Variants in ASTN1 observed in about 807,000 individuals in gnomAD.
The protein encoded by ASTN1 is astrotactin 1.
A neutral mutation model predicts 140.7 loss-of-function variants in ASTN1; 41 were observed. The observed-to-expected ratio is 0.29, with a 90% CI of 0.23 to 0.38. The LOEUF (loss-of-function observed/expected upper bound fraction) is 0.38, where lower values mean the gene tolerates loss of function less well. Among genes scored for constraint, ASTN1 ranks in the 10% least tolerant of loss-of-function variants. The pLI is 1.00. For missense variants in ASTN1, 1,479 were observed against 1,678.8 expected, an observed-to-expected ratio of 0.88 and a Z score of 2.08; for synonymous variants, 640 against 652.2, an observed-to-expected ratio of 0.98 and a Z score of 0.29.
At chr1:177,083,041 T>C (rs1275186345) in intron 1 of ASTN1, among the ~76,000 whole-genome samples, 2 of 152,214 alleles carry the variant, frequency 1.3e-5, no homozygotes, top group African/African-American at 4.8e-5. Flanking sequence ...TTTTGTATAC[T>C]GTCAGTTTCT....
intron 8 of ASTN1, among the ~76,000 whole-genome samples, chr1:177,006,834 G>A (rs973298998): frequency 1.4e-4 from 22 of 152,246 alleles, no homozygotes; most frequent in African/African-American, 5.1e-4. Context: ...CATCACCACG[G>A]GGAGGAGGTG....
At chr1:177,154,305 T>C (rs1337308474) in intron 1 of ASTN1, among the ~76,000 whole-genome samples, 1 of 152,162 alleles carries the variant, frequency 6.6e-6, no homozygotes, top group Non-Finnish European at 1.5e-5. Context: ...AGTGGGCATG[T>C]TTTATATATT....
intron 8 of ASTN1, among the ~76,000 whole-genome samples, chr1:176,977,152 C>T (rs1484484189): frequency 6.6e-6 from 1 of 152,114 alleles, no homozygotes; most frequent in Non-Finnish European, 1.5e-5. Flanking sequence ...ATAAGGAAAC[C>T]GGGGAAGAAT....
intron 5 of ASTN1, 33 bp downstream of exon 5, chr1:177,029,601 T>C (rs766495338): frequency 1.9e-6 from 3 of 1,602,902 alleles, no homozygotes; most frequent in Admixed American, 1.7e-5. Context: ...TCCCAGATCC[T>C]TTACCACCTT....
At chr1:177,014,329 C>T (rs948842440) in intron 8 of ASTN1, among the ~76,000 whole-genome samples, 1 of 152,222 alleles carries the variant, frequency 6.6e-6, no homozygotes, top group African/African-American at 2.4e-5. Context: ...TTATTCAATA[C>T]AGAGTACTTC....
intron 1 of ASTN1, among the ~76,000 whole-genome samples, chr1:177,144,411 C>A (rs1682623069): frequency 6.6e-6 from 1 of 151,062 alleles, no homozygotes; most frequent in Admixed American, 6.6e-5. Flanking sequence ...AGCCACCGCG[C>A]CCGGCTAGTT....
Position 176,887,594 on chromosome 1 carries a change from T to A in ASTN1, c.3074+477A>T, listed in dbSNP as rs536787029. Among the ~76,000 whole-genome samples the A allele has an allele frequency of 7.0e-4, 107 of 152,344 alleles. No homozygotes were observed. In the Middle Eastern group the frequency reaches 0.01, roughly 15 times the overall value. On this transcript the variant is annotated intron_variant, in intron 18 of 22. Coordinates refer to ENST00000361833, the MANE Select transcript of ASTN1 (RefSeq NM_004319.3). ...CATTCAATCCATTTGAATGCATTTT[T>A]TTTTGTCTATTAAATGAGCAGTATC...
chr1:176,878,448 C>G (rs1166664403), intron 20 of ASTN1, among the ~76,000 whole-genome samples: 2 of 151,826 alleles, frequency 1.3e-5, no homozygotes, highest in Non-Finnish European at 2.9e-5. Flanking sequence ...GAGGGGAGCC[C>G]CTACAGCTTC....
intron 11 of ASTN1, among the ~76,000 whole-genome samples, chr1:176,955,343 G>T (rs73047988): frequency 0.034 from 5,200 of 152,174 alleles, 282 homozygotes; most frequent in African/African-American, 0.12. Flanking sequence ...GATGGGTCAG[G>T]CTCAAGGTCA....
chr1:176,878,631 A>T (rs1004589141), intron 20 of ASTN1, among the ~76,000 whole-genome samples: 17 of 151,928 alleles, frequency 1.1e-4, no homozygotes, highest in Non-Finnish European at 4.4e-5. Context: ...CCCCGTGTAG[A>T]ACTAGCTCTG....
chr1:177,051,779 T>A (rs6425404), intron 2 of ASTN1, among the ~76,000 whole-genome samples: 12,114 of 152,158 alleles, frequency 0.08, 1,010 homozygotes, highest in African/African-American at 0.21. Flanking sequence ...AGTTCTTACA[T>A]CAGTGCTGGC....
chr1:177,161,653 G>C (rs769142168), intron 1 of ASTN1, among the ~76,000 whole-genome samples: 3 of 152,216 alleles, frequency 2.0e-5, no homozygotes, highest in Non-Finnish European at 4.4e-5. Context: ...GGAGAAGTTG[G>C]CTGCAATCAG....
In ASTN1 at chr1:176,861,150, G is replaced by C; in HGVS notation, c.*3134C>G. On this transcript the variant is annotated 3_prime_UTR_variant, in exon 23 of 23. Transcript: ENST00000361833. ...CAATAATTCTCTTTTAAACAACACT[G>C]TTATACCTGAAGATGGTCATATTAT... 2 of 951,042 alleles carry C rather than the reference G, an allele frequency of 2.1e-6. No individual in the cohort carries two copies. Among genetic ancestry groups the C allele is most frequent in the Non-Finnish European group, 2.5e-6 (2 of 798,690 alleles). 58.9% of individuals were successfully genotyped at this position (951,042 alleles called of 1,614,324 possible). A position where few individuals can be genotyped will look rare whatever the true frequency, so the allele number is the denominator to read the frequency against.
chr1:176,895,609 C>T (rs566486956), intron 16 of ASTN1, among the ~76,000 whole-genome samples: 22 of 152,184 alleles, frequency 1.4e-4, no homozygotes, highest in Non-Finnish European at 2.8e-4. Flanking sequence ...CACTCCAAAA[C>T]TTGAGAGATG....
intron 1 of ASTN1, among the ~76,000 whole-genome samples, chr1:177,135,957 TA>T (rs1682176021): frequency 6.6e-6 from 1 of 152,180 alleles, no homozygotes; most frequent in Non-Finnish European, 1.5e-5. Flanking sequence ...ATCACAGGTT[TA>T]TAGAGAAGCA....
intron 16 of ASTN1, among the ~76,000 whole-genome samples, chr1:176,916,000 C>A (rs529156041): frequency 6.6e-6 from 1 of 152,192 alleles, no homozygotes; most frequent in South Asian, 2.1e-4. Context: ...CAGTCTTTCA[C>A]CCATGTCCCT....
At chr1:177,043,957 C>G (rs919476311) in intron 2 of ASTN1, among the ~76,000 whole-genome samples, 1 of 151,968 alleles carries the variant, frequency 6.6e-6, no homozygotes, top group Admixed American at 6.6e-5. Flanking sequence ...ATTTTTTTCT[C>G]TGGAACTAAT....
chr1:176,922,556 C>CG (rs1670777826), intron 16 of ASTN1, among the ~76,000 whole-genome samples: 2 of 77,614 alleles, frequency 2.6e-5, no homozygotes, highest in Non-Finnish European at 4.8e-5. Flanking sequence ...GCCCCCACTG[C>CG]AAAAAAAAAA....
At chr1:177,042,808 T>C (rs551860885) in intron 2 of ASTN1, among the ~76,000 whole-genome samples, 7 of 152,326 alleles carry the variant, frequency 4.6e-5, no homozygotes, top group Admixed American at 1.3e-4. Flanking sequence ...CCCACCACTG[T>C]GGTCTGGGCT....
Sources: gnomAD v4.1 joint callset for allele counts (sites outside exome capture counted in the v4.1 genomes callset) on GRCh38, gnomAD v4.1.1 for gene constraint, MANE v1.5 for transcripts, NCBI Gene and HGNC (gene_info 2026-07-23, HGNC 2026-07-21) for gene names.